Variants in GRAP2 observed in about 807,000 individuals in gnomAD.
The protein encoded by GRAP2 is GRB2 related adaptor protein 2.
GRAP2 carries 31 observed loss-of-function variants against 43.5 expected under a neutral mutation model. The ratio of observed to expected loss-of-function variants is 0.71; its 90% CI spans 0.54 to 0.96. The LOEUF (loss-of-function observed/expected upper bound fraction) is 0.96, where lower values mean the gene tolerates loss of function less well. GRAP2 is among the 40% of genes least tolerant of loss of function. The pLI is 0.00. For missense variants in GRAP2, 371 were observed against 424.4 expected (o/e 0.87, Z 1.11); for synonymous variants, 156 against 164.8 (o/e 0.95, Z 0.41).
At chr22:39,904,659 ACAGT>A (rs1465916395) in intron 1 of GRAP2, among the ~76,000 whole-genome samples, 1 of 152,196 alleles carries the variant, frequency 6.6e-6, no homozygotes, top group Non-Finnish European at 1.5e-5. Context: ...AAGAGGATAA[ACAGT>A]AAGTCCTTAA....
chr22:39,926,647 A>G (rs370883988), intron 1 of GRAP2: 10 of 985,174 alleles, frequency 1.0e-5, no homozygotes, highest in East Asian at 2.3e-4. Flanking sequence ...GAGTTCCTCA[A>G]TCGCTGGCTC....
intron 3 of GRAP2, among the ~76,000 whole-genome samples, chr22:39,956,482 G>T (rs558879919): frequency 1.1e-4 from 16 of 149,182 alleles, no homozygotes; most frequent in African/African-American, 3.5e-4. Flanking sequence ...GTTTTTTTGG[G>T]TTTTTTTATT....
chr22:39,969,352 G>A, intron 6 of GRAP2, 59 bp from the exon 7 acceptor site: 2 of 1,602,072 alleles, frequency 1.2e-6, no homozygotes, highest in Non-Finnish European at 1.7e-6. Flanking sequence ...AGGCACTGGG[G>A]GAACCGGTGG....
intron 2 of GRAP2, among the ~76,000 whole-genome samples, chr22:39,953,052 T>C (rs2067004363): frequency 1.3e-5 from 2 of 152,102 alleles, no homozygotes; most frequent in Admixed American, 6.6e-5. Context: ...ATGTTAGAAA[T>C]AGGTCATCAT....
chr22:39,972,647 G>A lies in GRAP2; in HGVS notation c.*1563G>A, dbSNP rs898421208. On this transcript the variant is annotated 3_prime_UTR_variant, in exon 8 of 8. Transcript: ENST00000344138. ...AGAAGAAAGATTTTCTGACTCAGAAGTGACTGCCAGTGTAGCACAAGCAGT... is the reference window on the plus strand; with the variant it reads ...AGAAGAAAGATTTTCTGACTCAGAAATGACTGCCAGTGTAGCACAAGCAGT... 2 of 152,274 alleles carry A rather than the reference G, an allele frequency of 1.3e-5. No homozygotes were observed. Among genetic ancestry groups the A allele is most frequent in the African/African-American group, 4.8e-5 (2 of 41,466 alleles). 9.4% of individuals were successfully genotyped at this position (152,274 alleles called of 1,614,324 possible).
chr22:39,964,524 G>C, intron 4 of GRAP2: 1 of 903,680 alleles, frequency 1.1e-6, no homozygotes, highest in Admixed American at 1.8e-5. Context: ...TCGTGGGGAA[G>C]GGGCCTCTGG....
rs968265943 is a variant in GRAP2, at chr22:39,952,024, T to G, written c.79-3795T>G. ...AATGAAGTACAAAGTGTGTGGTTTT[T>G]TTTTTTTTTTTTTTCTTTTTGAGAC... On this transcript the variant is annotated intron_variant, in intron 2 of 7. Coordinates refer to ENST00000344138, the MANE Select transcript of GRAP2 (RefSeq NM_004810.4). Among the ~76,000 whole-genome samples, 163 of 150,910 alleles carry G rather than the reference T, an allele frequency of 1.1e-3. 1 individual carries two copies. The highest frequency in any genetic ancestry group is 3.2e-3 in the Middle Eastern group (1 of 316).
chr22:39,923,366 T>C (rs2066670746), intron 1 of GRAP2, among the ~76,000 whole-genome samples: 1 of 152,230 alleles, frequency 6.6e-6, no homozygotes, highest in South Asian at 2.1e-4. Flanking sequence ...TCTTAATATA[T>C]GGGACATACA....
intron 3 of GRAP2, among the ~76,000 whole-genome samples, chr22:39,958,105 G>T (rs2067077706): frequency 6.6e-6 from 1 of 152,000 alleles, no homozygotes; most frequent in Non-Finnish European, 1.5e-5. Flanking sequence ...GCTCCCAGGG[G>T]TCATCTCAGC....
At chr22:39,936,128 C>G (rs1458449632) in intron 1 of GRAP2, among the ~76,000 whole-genome samples, 2 of 152,086 alleles carry the variant, frequency 1.3e-5, no homozygotes, top group African/African-American at 4.8e-5. Context: ...GAAAATGAAG[C>G]CTGGAGATTT....
chr22:39,898,170 C>T (rs1429451259), upstream of GRAP2, among the ~76,000 whole-genome samples: 1 of 152,222 alleles, frequency 6.6e-6, no homozygotes, highest in Non-Finnish European at 1.5e-5. Context: ...CTGGCTTCTT[C>T]ACTTTGTTCT....
intron 1 of GRAP2, among the ~76,000 whole-genome samples, chr22:39,944,268 A>T (rs1003573739): frequency 9.2e-5 from 14 of 152,210 alleles, no homozygotes; most frequent in South Asian, 8.3e-4. Context: ...TTCAAAATTA[A>T]TGCTAATGGA....
At chr22:39,913,484 C>A (rs2145578429) in intron 1 of GRAP2, among the ~76,000 whole-genome samples, 1 of 152,300 alleles carries the variant, frequency 6.6e-6, no homozygotes, top group East Asian at 1.9e-4. Flanking sequence ...AGAGCCAGGC[C>A]AGCAGCAGGC....
At chr22:39,926,752 C>T (rs2066705316) in intron 1 of GRAP2, 3 of 985,120 alleles carry the variant, frequency 3.0e-6, no homozygotes. Context: ...ATTAGCGGCC[C>T]CTTATCGCTT....
In GRAP2 at chr22:39,968,125, G is replaced by C; in HGVS notation, c.543G>C (p.Ser181=). The C allele has an allele frequency of 1.2e-6, 2 of 1,607,986 alleles. No homozygotes were observed. Among genetic ancestry groups the C allele is most frequent in the Non-Finnish European group, 1.7e-6 (2 of 1,177,146 alleles). The change falls in exon 6 of 8, where the codon TCG becomes TCC. Residue 181 remains serine (S), a synonymous_variant. Coordinates refer to ENST00000344138, the MANE Select transcript of GRAP2 (RefSeq NM_004810.4). ...CTGTGGGAGAAGAAATCCGACCTTCGATGAACCGGAAGCTGTCGGATCACC... is the reference window on the plus strand; with the variant it reads ...CTGTGGGAGAAGAAATCCGACCTTCCATGAACCGGAAGCTGTCGGATCACC... The part of the protein sequence containing the change: ...SGAVGEEIRP[S]MNRKLSDHPP...
At chr22:39,927,264 C>G (rs1476857208) in intron 1 of GRAP2, among the ~76,000 whole-genome samples, 2 of 152,134 alleles carry the variant, frequency 1.3e-5, no homozygotes, top group African/African-American at 4.8e-5. Flanking sequence ...CCTCTCGGCC[C>G]GCCGGCATGT....
At chr22:39,901,623 G>A (rs1485226721) in intron 1 of GRAP2, among the ~76,000 whole-genome samples, 1 of 152,086 alleles carries the variant, frequency 6.6e-6, no homozygotes, top group Non-Finnish European at 1.5e-5. Flanking sequence ...TTCGACCTTG[G>A]GATCATGGAG....
chr22:39,919,908 A>T (rs977811370), intron 1 of GRAP2, among the ~76,000 whole-genome samples: 4 of 152,212 alleles, frequency 2.6e-5, no homozygotes, highest in African/African-American at 7.2e-5. Context: ...ATCTAAGGGG[A>T]TAAGTGCCAT....
At chr22:39,930,596 T>C (rs1277075000) in intron 1 of GRAP2, among the ~76,000 whole-genome samples, 2 of 152,248 alleles carry the variant, frequency 1.3e-5, no homozygotes, top group Non-Finnish European at 2.9e-5. Context: ...ACTGCGATGC[T>C]TTCTCCATCT....
Sources: allele counts gnomAD v4.1 joint callset (sites outside exome capture counted in the v4.1 genomes callset), GRCh38; gene constraint gnomAD v4.1.1; transcripts MANE v1.5; gene names NCBI Gene and HGNC (gene_info 2026-07-23, HGNC 2026-07-21).